PPFIA2: variants seen among roughly 807,000 people sequenced by gnomAD.
PPFIA2 encodes liprin-alpha-2.
Under a neutral mutation model 175.5 loss-of-function variants are expected in PPFIA2, and 46 were observed. The ratio of observed to expected loss-of-function variants is 0.26; its 90% CI spans 0.21 to 0.34. PPFIA2 has a LOEUF of 0.34. Ranked by LOEUF, PPFIA2 falls within the 10% of genes least tolerant of loss-of-function variation. The pLI is 1.00. For missense variants in PPFIA2, 1,179 were observed against 1,506.1 expected (o/e 0.78, Z 3.60); for synonymous variants, 568 against 511.4 (o/e 1.11, Z -1.49).
At chr12:81,533,327 C>T (rs549969943) in intron 4 of PPFIA2, among the ~76,000 whole-genome samples, 2 of 151,664 alleles carry the variant, frequency 1.3e-5, no homozygotes, top group Non-Finnish European at 3.0e-5. Flanking sequence ...AGCTTACTTA[C>T]GATTGTATAA....
chr12:81,395,966 C>T (rs759651744), intron 8 of PPFIA2, among the ~76,000 whole-genome samples: 1 of 151,994 alleles, frequency 6.6e-6, no homozygotes, highest in Non-Finnish European at 1.5e-5. Flanking sequence ...TATCCATATG[C>T]GTGTTAAAAT....
chr12:81,312,260 CAA>C (rs1179681167), intron 22 of PPFIA2: 1 of 1,224,282 alleles, frequency 8.2e-7, no homozygotes. Context: ...TGGAATAAAA[CAA>C]GAGCATTATT....
Position 81,575,276 on chromosome 12 carries a change from C to T in PPFIA2, c.303+101515G>A, listed in dbSNP as rs193253510. 1.5e-3 allele frequency among the ~76,000 whole-genome samples: 234 copies of T among 151,870 alleles called. 1 individual carries two copies. The highest frequency in any genetic ancestry group is 5.4e-3 in the African/African-American group (222 of 41,482). On this transcript the variant is annotated intron_variant, in intron 4 of 32. Coordinates refer to ENST00000549396, the MANE Select transcript of PPFIA2 (RefSeq NM_003625.5). ...GGAAACTATAGATGGTGAATGTAAT[C>T]GTTCCACCAAATGATTCTCACCACT...
In PPFIA2 at chr12:81,682,872, G is replaced by A. The variant is rs1005241441; in HGVS notation, c.250-6028C>T. Reference sequence around the variant, plus strand: ...TGTTCTGTCATCATATTTCTTGATCGCTAAGCTTCAGTCGACACAGCTGAC... The same window carrying A: ...TGTTCTGTCATCATATTTCTTGATCACTAAGCTTCAGTCGACACAGCTGAC... On this transcript the variant is annotated intron_variant, in intron 3 of 32. Coordinates refer to ENST00000549396, the MANE Select transcript of PPFIA2 (RefSeq NM_003625.5). Among the ~76,000 whole-genome samples the A allele has an allele frequency of 5.9e-5, 9 of 151,824 alleles. No individual in the cohort carries two copies. In the East Asian group the frequency reaches 1.4e-3, roughly 23 times the overall value.
At position 81,295,139 on chromosome 12, in the gene PPFIA2, C is replaced by T. The variant is rs189583651; in HGVS notation, c.2725-104G>A. 1.1e-5 allele frequency: 11 copies of T among 976,600 alleles called. No homozygotes were observed. The Admixed American group carries it at 2.6e-4, about 23-fold the overall frequency. 60.5% of individuals were successfully genotyped at this position (976,600 alleles called of 1,614,324 possible). ...TATGTATCTTACATACATGACCTCA[C>T]CCCACGAGATAAAATGTTATCATTA... On this transcript the variant is annotated intron_variant, in intron 23 of 32. Transcript: ENST00000549396.
intron 4 of PPFIA2, among the ~76,000 whole-genome samples, chr12:81,575,947 T>C (rs887293745): frequency 6.6e-5 from 10 of 151,902 alleles, no homozygotes; most frequent in Middle Eastern, 3.4e-3. Context: ...TAAACAAAGA[T>C]GGCTGGTTGA....
At chr12:81,676,890 T>A in intron 3 of PPFIA2, 46 bp from the exon 4 acceptor site, 1 of 1,346,150 alleles carries the variant, frequency 7.4e-7, no homozygotes, top group Non-Finnish European at 1.0e-6. Context: ...CTCAACAGCA[T>A]GAAGAATCCC....
At chr12:81,420,963 T>C (rs1353545360) in intron 7 of PPFIA2, among the ~76,000 whole-genome samples, 2 of 151,930 alleles carry the variant, frequency 1.3e-5, no homozygotes, top group African/African-American at 4.8e-5. Flanking sequence ...GTAAGACTAT[T>C]AGTAGATTTC....
chr12:81,647,795 A>AAT (rs2066377403), intron 4 of PPFIA2, among the ~76,000 whole-genome samples: 3 of 142,608 alleles, frequency 2.1e-5, no homozygotes, highest in African/African-American at 7.7e-5. Flanking sequence ...CATATAATAT[A>AAT]ATATATATTA....
intron 7 of PPFIA2, chr12:81,430,737 T>C (rs1420873082): frequency 6.6e-6 from 1 of 152,136 alleles, no homozygotes; most frequent in Non-Finnish European, 1.5e-5. Flanking sequence ...TTTAACAGAA[T>C]ACTAGTTGTT....
At chr12:81,413,100 T>C (rs1295934535) in intron 7 of PPFIA2, among the ~76,000 whole-genome samples, 2 of 151,904 alleles carry the variant, frequency 1.3e-5, no homozygotes, top group Admixed American at 6.6e-5. Flanking sequence ...CAAGTGATTA[T>C]CACAACTGGA....
intron 7 of PPFIA2, 149 bp downstream of exon 7, chr12:81,439,823 C>T (rs563334233): frequency 2.0e-5 from 14 of 687,360 alleles, no homozygotes; most frequent in East Asian, 1.6e-4. Context: ...AACAAGACTC[C>T]GGCAACTAAT....
At chr12:81,698,745 A>C (rs2076165077) in intron 3 of PPFIA2, among the ~76,000 whole-genome samples, 1 of 146,490 alleles carries the variant, frequency 6.8e-6, no homozygotes, top group Non-Finnish European at 1.5e-5. Flanking sequence ...TACTAATTTC[A>C]ACCTATCTAG....
intron 9 of PPFIA2, among the ~76,000 whole-genome samples, chr12:81,381,471 A>G (rs1299462181): frequency 1.3e-5 from 2 of 152,124 alleles, no homozygotes; most frequent in Admixed American, 6.6e-5. Context: ...GCTGGATTAG[A>G]TAAGCATTAA....
chr12:81,300,630 C>T (rs982106485), intron 22 of PPFIA2, among the ~76,000 whole-genome samples: 3 of 152,110 alleles, frequency 2.0e-5, no homozygotes, highest in Non-Finnish European at 2.9e-5. Context: ...TTAAGTTCTG[C>T]ATGTAAGCTA....
intron 4 of PPFIA2, among the ~76,000 whole-genome samples, chr12:81,587,388 C>G (rs2075440491): frequency 6.6e-6 from 1 of 151,982 alleles, no homozygotes; most frequent in African/African-American, 2.4e-5. Flanking sequence ...TCTTCCCCTT[C>G]CACCATGATT....
At chr12:81,515,747 T>G in intron 4 of PPFIA2, among the ~76,000 whole-genome samples, 1 of 152,228 alleles carries the variant, frequency 6.6e-6, no homozygotes, top group East Asian at 1.9e-4. Flanking sequence ...AACAATTCTA[T>G]TTTTCAAATC....
chr12:81,709,684 C>T (rs550613040), intron 3 of PPFIA2, among the ~76,000 whole-genome samples: 5 of 152,150 alleles, frequency 3.3e-5, no homozygotes, highest in African/African-American at 9.6e-5. Flanking sequence ...AAATTTATAA[C>T]AGCTATAGGG....
rs143877314 is a variant in PPFIA2 at position 81,478,147 on chromosome 12, T to C, written c.304-20281A>G. Reference sequence around the variant, plus strand: ...CTTAGGTTAGTCTTCGGAGGGTGTATATGTCCAGGAATTTACCCATTTCTT... The same window carrying C: ...CTTAGGTTAGTCTTCGGAGGGTGTACATGTCCAGGAATTTACCCATTTCTT... On this transcript the variant is annotated intron_variant, in intron 4 of 32. Transcript: ENST00000549396. Among the ~76,000 whole-genome samples, 336 of 152,278 alleles carry C rather than the reference T, an allele frequency of 2.2e-3. 7 individuals carry two copies. In the East Asian group the frequency reaches 0.048, roughly 22 times the overall value.
Sources: gnomAD v4.1 joint callset for allele counts (sites outside exome capture counted in the v4.1 genomes callset) on GRCh38, gnomAD v4.1.1 for gene constraint, MANE v1.5 for transcripts, NCBI Gene and HGNC (gene_info 2026-07-23, HGNC 2026-07-21) for gene names.